The following ZFAND3 variants were observed in gnomAD, a reference collection of about 807,000 sequenced individuals.
ZFAND3 encodes the protein zinc finger AN1-type containing 3, also known as AN1-type zinc finger protein 3.
A neutral mutation model predicts 29.6 loss-of-function variants in ZFAND3; 10 were observed. The observed-to-expected ratio is 0.34, with a 90% CI of 0.21 to 0.57. The LOEUF (loss-of-function observed/expected upper bound fraction) is 0.57, where lower values mean the gene tolerates loss of function less well. ZFAND3 is among the 20% of genes least tolerant of loss of function. The probability of loss-of-function intolerance (pLI) is 0.86; values close to 1 mark genes in which losing one functional copy is unlikely to be tolerated. For missense variants in ZFAND3, 230 were observed against 304.5 expected, an observed-to-expected ratio of 0.76 and a Z score of 1.82; for synonymous variants, 128 against 112.6, an observed-to-expected ratio of 1.14 and a Z score of -0.87.
chr6:38,055,439 T>G (rs1354842714), intron 2 of ZFAND3, among the ~76,000 whole-genome samples: 4 of 151,986 alleles, frequency 2.6e-5, no homozygotes, highest in Non-Finnish European at 4.4e-5. Flanking sequence ...ACATTAAGAG[T>G]CAAATAAAGC....
chr6:37,870,461 G>A (rs958457912), intron 1 of ZFAND3, among the ~76,000 whole-genome samples: 6 of 151,778 alleles, frequency 4.0e-5, no homozygotes, highest in African/African-American at 7.3e-5. Flanking sequence ...AATTAGCCAG[G>A]CATGGTGGCA....
At chr6:38,148,921 C>T (rs1331867555) in intron 5 of ZFAND3, among the ~76,000 whole-genome samples, 2 of 152,342 alleles carry the variant, frequency 1.3e-5, no homozygotes, top group East Asian at 3.9e-4. Context: ...CTAATAACCT[C>T]AGTGCAGCTA....
intron 1 of ZFAND3, among the ~76,000 whole-genome samples, chr6:37,838,863 A>C (rs1337440669): frequency 6.6e-6 from 1 of 152,098 alleles, no homozygotes; most frequent in Non-Finnish European, 1.5e-5. Context: ...TGATATGGTA[A>C]CTCTGTTTAA....
chr6:38,054,417 A>G (rs1181821659), intron 2 of ZFAND3, among the ~76,000 whole-genome samples: 2 of 150,952 alleles, frequency 1.3e-5, no homozygotes, highest in Non-Finnish European at 3.0e-5. Context: ...AAAAAAAACA[A>G]GGAAGCACAC....
intron 2 of ZFAND3, among the ~76,000 whole-genome samples, chr6:38,056,952 G>T (rs897727596): frequency 1.3e-5 from 2 of 152,148 alleles, no homozygotes; most frequent in African/African-American, 4.8e-5. Context: ...GTTTGCTTTG[G>T]AAAAGCTTTA....
intron 1 of ZFAND3, among the ~76,000 whole-genome samples, chr6:37,857,428 A>T (rs148018797): frequency 1.3e-5 from 2 of 152,166 alleles, no homozygotes; most frequent in Admixed American, 6.5e-5. Flanking sequence ...ATACCAGGCA[A>T]ACTGTGTGGG....
intron 1 of ZFAND3, among the ~76,000 whole-genome samples, chr6:37,915,394 G>C (rs185686747): frequency 5.5e-4 from 84 of 152,296 alleles, no homozygotes; most frequent in Non-Finnish European, 9.7e-4. Flanking sequence ...GGCATAAGAG[G>C]CCTAGCTTTA....
intron 2 of ZFAND3, among the ~76,000 whole-genome samples, chr6:38,005,166 CT>C (rs1763027229): frequency 6.6e-6 from 1 of 152,100 alleles, no homozygotes; most frequent in South Asian, 2.1e-4. Flanking sequence ...TGATAAATTT[CT>C]TTAGTGCCAT....
intron 5 of ZFAND3, among the ~76,000 whole-genome samples, chr6:38,148,372 G>A (rs571758251): frequency 2.6e-5 from 4 of 152,308 alleles, no homozygotes; most frequent in Non-Finnish European, 5.9e-5. Flanking sequence ...AGCTGCTGTC[G>A]TAGTTCAGCA....
At chr6:37,839,748 C>T (rs1030313200) in intron 1 of ZFAND3, among the ~76,000 whole-genome samples, 13 of 148,336 alleles carry the variant, frequency 8.8e-5, no homozygotes, top group African/African-American at 2.7e-4. Context: ...CTCTTGACCT[C>T]GTGATCCACC....
intron 1 of ZFAND3, among the ~76,000 whole-genome samples, chr6:37,901,684 C>G (rs1284021490): frequency 6.6e-6 from 1 of 152,156 alleles, no homozygotes; most frequent in Admixed American, 6.5e-5. Flanking sequence ...TTACTAACTT[C>G]CAGTATGTTT....
intron 4 of ZFAND3, among the ~76,000 whole-genome samples, chr6:38,100,348 C>T (rs773491901): frequency 5.3e-5 from 8 of 152,208 alleles, no homozygotes; most frequent in Non-Finnish European, 8.8e-5. Context: ...AGGCGTGAGC[C>T]ACCACGCCCA....
chr6:38,105,422 A>G lies in ZFAND3; in HGVS notation c.362-11150A>G, dbSNP rs1765188619. Among the ~76,000 whole-genome samples the G allele has an allele frequency of 3.9e-5, 6 of 152,166 alleles. No homozygotes were observed. The South Asian group carries it at 1.2e-3, about 32-fold the overall frequency. ...CCAGTCTATTAAAAAAAATTTTTTTAATGAGTTTGGACACATGGGTTGTGT... is the reference window on the plus strand; with the variant it reads ...CCAGTCTATTAAAAAAAATTTTTTTGATGAGTTTGGACACATGGGTTGTGT... On this transcript the variant is annotated intron_variant, in intron 4 of 5. Coordinates refer to ENST00000287218, the MANE Select transcript of ZFAND3 (RefSeq NM_021943.3).
At chr6:37,996,557 G>A (rs967719518) in intron 2 of ZFAND3, among the ~76,000 whole-genome samples, 13 of 151,658 alleles carry the variant, frequency 8.6e-5, no homozygotes, top group Non-Finnish European at 2.9e-5. Flanking sequence ...CCCCTAATAG[G>A]TTTTTTTTGT....
intron 2 of ZFAND3, among the ~76,000 whole-genome samples, chr6:37,930,344 CAG>C (rs1761571685): frequency 6.6e-6 from 1 of 152,100 alleles, no homozygotes; most frequent in Non-Finnish European, 1.5e-5. Context: ...GAGAATGTAA[CAG>C]AATATTTTCA....
chr6:38,027,864 C>G (rs1763479140), intron 2 of ZFAND3, among the ~76,000 whole-genome samples: 1 of 152,220 alleles, frequency 6.6e-6, no homozygotes, highest in Admixed American at 6.5e-5. Flanking sequence ...CATTTGAGCA[C>G]AAGTGCTCCT....
intron 2 of ZFAND3, among the ~76,000 whole-genome samples, chr6:38,014,380 G>C (rs1763218340): frequency 2.6e-5 from 4 of 151,776 alleles, no homozygotes; most frequent in Admixed American, 2.6e-4. Flanking sequence ...AGGCTGGAGT[G>C]CCGTGGCGCG....
At chr6:37,939,395 G>C (rs1184672582) in intron 2 of ZFAND3, among the ~76,000 whole-genome samples, 1 of 152,034 alleles carries the variant, frequency 6.6e-6, no homozygotes, top group African/African-American at 2.4e-5. Context: ...TCCCTCTTCT[G>C]TCTCCTCTAA....
rs372109574 is a variant in ZFAND3 at position 38,153,623 on chromosome 6, C to G, written c.*1234C>G. The G allele has an allele frequency of 3.5e-5, 34 of 985,246 alleles. No individual in the cohort carries two copies. The East Asian group carries it at 1.0e-3, about 30-fold the overall frequency. The allele number at this position is 985,246 out of a possible 1,614,324, so 61.0% of individuals were successfully genotyped here. ...GTACATTTCTCCACCTGTGCCCCCT[C>G]ATGTTCACAGAGGATTTCAGCAGCT... On this transcript the variant is annotated 3_prime_UTR_variant, in exon 6 of 6. Transcript: ENST00000287218.
Sources: gnomAD v4.1 joint callset for allele counts (sites outside exome capture counted in the v4.1 genomes callset) on GRCh38, gnomAD v4.1.1 for gene constraint, MANE v1.5 for transcripts, NCBI Gene and HGNC (gene_info 2026-07-23, HGNC 2026-07-21) for gene names.